The following POM121 variants were observed in gnomAD, a reference collection of about 807,000 sequenced individuals.
POM121 encodes nuclear envelope pore membrane protein POM 121.
In POM121, 32 loss-of-function variants were observed where a neutral mutation model predicts 81.3. The ratio of observed to expected loss-of-function variants is 0.39; its 90% CI spans 0.30 to 0.53. The LOEUF (loss-of-function observed/expected upper bound fraction) is 0.53. POM121 is among the 20% of genes least tolerant of loss of function. POM121 has a pLI of 0.66. For missense variants in POM121, 1,138 were observed against 1,614.6 expected (o/e 0.70, Z 5.06); for synonymous variants, 514 against 694.2 (o/e 0.74, Z 4.08).
intron 3 of POM121, 115 bp from the exon 4 acceptor site, chr7:72,928,270 A>G (rs1229882267): frequency 4.5e-5 from 64 of 1,419,710 alleles, no homozygotes; most frequent in Middle Eastern, 1.8e-4. Context: ...TTTCTGGTCT[A>G]TCATGGAATC....
chr7:72,938,977 G>A (rs1283064024), intron 6 of POM121, among the ~76,000 whole-genome samples: 7 of 152,320 alleles, frequency 4.6e-5, no homozygotes, highest in South Asian at 2.1e-4. Flanking sequence ...GCGGGCAGTC[G>A]CCTTCAGGTT....
At chr7:72,938,833 C>A (rs531569785) in intron 6 of POM121, 152 bp downstream of exon 6, 2 of 905,558 alleles carry the variant, frequency 2.2e-6, no homozygotes, top group African/African-American at 1.7e-5. Context: ...GCAGTACCCA[C>A]CCGAAGTGCT....
downstream of POM121, chr7:72,949,000 A>T: frequency 1.2e-6 from 2 of 1,610,896 alleles, no homozygotes; most frequent in Non-Finnish European, 1.7e-6. Flanking sequence ...AGGGAAAGTG[A>T]GCGCGTGGCA....
chr7:72,884,624 A>G (rs1417805628), intron 1 of POM121, among the ~76,000 whole-genome samples: 4 of 149,940 alleles, frequency 2.7e-5, no homozygotes, highest in African/African-American at 9.7e-5. Context: ...TTTTGAAATC[A>G]TTTCAGATTT....
intron 3 of POM121, among the ~76,000 whole-genome samples, chr7:72,912,940 C>G (rs1294704648): frequency 2.6e-5 from 4 of 152,164 alleles, no homozygotes; most frequent in Non-Finnish European, 5.9e-5. Flanking sequence ...TCTGGAGAAG[C>G]ACATGACGCA....
intron 3 of POM121, among the ~76,000 whole-genome samples, chr7:72,907,987 TATG>T (rs1215869067): frequency 6.6e-6 from 1 of 152,256 alleles, no homozygotes; most frequent in Non-Finnish European, 1.5e-5. Context: ...GCAAGATTGT[TATG>T]ATACAGATTG....
At chr7:72,924,966 C>T (rs1586144759), upstream of POM121, 1 of 1,254,420 alleles carries the variant, frequency 8.0e-7, no homozygotes, top group Non-Finnish European at 1.0e-6. Context: ...GCGTTAAAGG[C>T]AGGCGGCATT....
At chr7:72,934,015 A>G (rs1467657746) in intron 5 of POM121, among the ~76,000 whole-genome samples, 2 of 152,214 alleles carry the variant, frequency 1.3e-5, no homozygotes, top group African/African-American at 4.8e-5. Context: ...AATAATTCTT[A>G]CAGGATATAT....
intron 1 of POM121, 148 bp from the exon 2 acceptor site, chr7:72,926,114 A>C (rs1447414851): frequency 4.7e-6 from 4 of 852,806 alleles, no homozygotes; most frequent in Non-Finnish European, 7.1e-6. Flanking sequence ...GAATAAGGGA[A>C]AGTTGCCATA....
intron 4 of POM121, among the ~76,000 whole-genome samples, chr7:72,917,072 C>T (rs1794356870): frequency 6.6e-6 from 1 of 152,154 alleles, no homozygotes; most frequent in African/African-American, 2.4e-5. Flanking sequence ...TGATACTTCT[C>T]ATTGTTTGCT....
chr7:72,948,727 G>C (rs548103677), downstream of POM121: 145 of 1,554,092 alleles, frequency 9.3e-5, 2 homozygotes, highest in African/African-American at 1.8e-3. Context: ...GCGTGGTCTT[G>C]GGGGAAGCCC....
In POM121 at chr7:72,943,219, A is replaced by G; in HGVS notation, c.3226A>G (p.Thr1076Ala). The G allele has an allele frequency of 6.2e-7, 1 of 1,612,774 alleles. No homozygotes were observed. Among genetic ancestry groups the G allele is most frequent in the South Asian group, 1.1e-5 (1 of 91,042 alleles). Reference sequence around the variant, plus strand: ...AGCCACCAGCTCCGGCTTTGGAGCCACCACCCAGACCGCCAGCAGCGGGAG... The same window carrying G: ...AGCCACCAGCTCCGGCTTTGGAGCCGCCACCCAGACCGCCAGCAGCGGGAG... ...GAATSSGFGA[T>A]TQTASSGSSS... Residue 1076 changes from threonine (T) to alanine (A), a missense_variant, in exon 11 of 13, where the codon ACC becomes GCC. By Grantham distance (58) the Thr-to-Ala change is moderately conservative. Coordinates refer to ENST00000434423, the MANE Select transcript of POM121 (RefSeq NM_001387691.1).
intron 1 of POM121, among the ~76,000 whole-genome samples, chr7:72,883,227 A>G (rs1554489563): frequency 6.6e-6 from 1 of 152,128 alleles, no homozygotes; most frequent in African/African-American, 2.4e-5. Context: ...ATTTTAGTAG[A>G]GACTGGCTTT....
At chr7:72,902,917 G>A (rs765462189) in intron 3 of POM121, among the ~76,000 whole-genome samples, 31 of 152,036 alleles carry the variant, frequency 2.0e-4, no homozygotes, top group Non-Finnish European at 3.2e-4. Flanking sequence ...TTTATTCATC[G>A]TTTCTTTTAG....
In POM121 at chr7:72,943,295, G is replaced by A. The variant is rs200374719; in HGVS notation, c.3302G>A (p.Gly1101Asp). ...ACACCATCACCCTTCACGTTTGGGGGTTCGGCAGCCCCCGCTGGCAGTGGG... is the reference window on the plus strand; with the variant it reads ...ACACCATCACCCTTCACGTTTGGGGATTCGGCAGCCCCCGCTGGCAGTGGG... Reference protein sequence around the residue: ...STTPSPFTFGGSAAPAGSGSF... With the variant: ...STTPSPFTFGDSAAPAGSGSF... Residue 1101 changes from glycine to aspartate, a missense_variant, in exon 11 of 13, where the codon GGT becomes GAT. Around this residue, in one of 7 missense-constraint regions of POM121, gnomAD observed 336 missense variants for 344.3 expected, o/e 0.98. Coordinates refer to ENST00000434423, the MANE Select transcript of POM121 (RefSeq NM_001387691.1). The A allele has an allele frequency of 2.5e-6, 4 of 1,608,754 alleles. No individual in the cohort carries two copies. The highest frequency in any genetic ancestry group is 1.1e-5 in the South Asian group (1 of 90,466).
At chr7:72,901,971 G>T (rs1454763364) in intron 3 of POM121, among the ~76,000 whole-genome samples, 1 of 151,874 alleles carries the variant, frequency 6.6e-6, no homozygotes, top group Admixed American at 6.6e-5. Context: ...AATTAGCCGG[G>T]CATGGTGGCG....
rs408731 is a variant in POM121 at position 72,946,787 on chromosome 7, G to A, written c.*553G>A. On this transcript the variant is annotated 3_prime_UTR_variant, in exon 13 of 13. Transcript: ENST00000434423. ...CACCAGTTCCTTGCAGGATTCCTTC[G>A]TTTTTAAATGCCCTTGAATCTAGCT... The A allele has an allele frequency of 2.8e-5, 19 of 679,564 alleles. 4 individuals carry two copies. The highest frequency in any genetic ancestry group is 7.0e-4 in the Middle Eastern group (1 of 1,426). The allele number at this position is 679,564 out of a possible 1,614,324, so 42.1% of individuals were successfully genotyped here.
intron 3 of POM121, among the ~76,000 whole-genome samples, chr7:72,912,040 C>T (rs552057062): frequency 6.6e-5 from 10 of 152,298 alleles, no homozygotes; most frequent in South Asian, 2.1e-4. Context: ...TACAGGTTCA[C>T]GCTACCATGC....
intron 4 of POM121, among the ~76,000 whole-genome samples, chr7:72,917,292 C>G (rs1349516594): frequency 1.3e-5 from 2 of 152,232 alleles, no homozygotes; most frequent in Non-Finnish European, 2.9e-5. Flanking sequence ...CTCTCCCAGT[C>G]TTTGAAGTTT....
Sources: allele counts gnomAD v4.1 joint callset (sites outside exome capture counted in the v4.1 genomes callset), GRCh38; gene constraint gnomAD v4.1.1; regional missense constraint gnomAD v4.1.1; transcripts MANE v1.5; gene names NCBI Gene and HGNC (gene_info 2026-07-23, HGNC 2026-07-21).